Variants in LRP1B observed in about 807,000 individuals in gnomAD.
LRP1B encodes low-density lipoprotein receptor-related protein 1B.
A neutral mutation model predicts 556.6 loss-of-function variants in LRP1B; 217 were observed. That is an observed-to-expected ratio of 0.39 (90% CI 0.35 to 0.44). The LOEUF (loss-of-function observed/expected upper bound fraction) is 0.44. Ranked by LOEUF, LRP1B falls within the 20% of genes least tolerant of loss-of-function variation. The probability of loss-of-function intolerance (pLI) is 1.00; values close to 1 mark genes in which losing one functional copy is unlikely to be tolerated. For synonymous variants in LRP1B, 2,047 were observed against 1,865.8 expected (o/e 1.10, Z -2.50); for missense variants, 5,053 against 5,620.8 (o/e 0.90, Z 3.23).
chr2:141,527,364 C>A (rs1684724918), intron 2 of LRP1B, among the ~76,000 whole-genome samples: 1 of 151,672 alleles, frequency 6.6e-6, no homozygotes, highest in Non-Finnish European at 1.5e-5. Flanking sequence ...ATAAAAAAAA[C>A]ATTGTTTCTG....
intron 1 of LRP1B, among the ~76,000 whole-genome samples, chr2:142,117,144 T>C (rs1342765135): frequency 1.3e-5 from 2 of 152,272 alleles, no homozygotes; most frequent in African/African-American, 4.8e-5. Flanking sequence ...AATCTCCGCT[T>C]AGCATTTCTT....
intron 7 of LRP1B, among the ~76,000 whole-genome samples, chr2:141,086,635 TG>T (rs1700053993): frequency 1.3e-5 from 2 of 151,530 alleles, no homozygotes; most frequent in African/African-American, 2.4e-5. Flanking sequence ...TGTGTGTGTG[TG>T]TGTGTGTGTG....
In LRP1B at chr2:140,719,728, CAT is replaced by C. The variant is rs1365595010; in HGVS notation, c.5759-2914_5759-2913del. Among the ~76,000 whole-genome samples the C allele has an allele frequency of 6.6e-5, 10 of 152,130 alleles. No individual in the cohort carries two copies. In the East Asian group the frequency reaches 1.9e-3, roughly 29 times the overall value. ...TGAGATCACAGCATTGAGGAACTAA[CAT>C]ATTTTCTCGTATCCTTTCTATTAGG... is the stretch of plus-strand genomic sequence containing the variant. On this transcript the variant is annotated intron_variant, in intron 35 of 90. Transcript: ENST00000389484.
chr2:141,834,525 G>A (rs757161628), intron 1 of LRP1B, among the ~76,000 whole-genome samples: 1 of 151,844 alleles, frequency 6.6e-6, no homozygotes, highest in Non-Finnish European at 1.5e-5. Context: ...CATTAAATAA[G>A]GTAGGTAGGG....
chr2:141,712,653 T>A (rs1048925488), intron 2 of LRP1B, among the ~76,000 whole-genome samples: 8 of 151,994 alleles, frequency 5.3e-5, no homozygotes, highest in African/African-American at 1.9e-4. Flanking sequence ...ACATTAACTA[T>A]TATTATTATC....
intron 7 of LRP1B, among the ~76,000 whole-genome samples, chr2:141,173,025 T>A (rs60558592): frequency 0.044 from 6,616 of 150,816 alleles, 481 homozygotes; most frequent in African/African-American, 0.15. Context: ...AAATTACAGA[T>A]TTCTCTTTAA....
intron 41 of LRP1B, among the ~76,000 whole-genome samples, chr2:140,636,608 A>G (rs534288234): frequency 5.1e-4 from 78 of 152,290 alleles, no homozygotes; most frequent in Non-Finnish European, 9.6e-4. Context: ...TTGTACTTAC[A>G]TATTTTAAAA....
At chr2:140,531,048 T>C (rs543778592) in intron 47 of LRP1B, among the ~76,000 whole-genome samples, 3 of 152,174 alleles carry the variant, frequency 2.0e-5, no homozygotes, top group South Asian at 2.1e-4. Flanking sequence ...ACACCTACCA[T>C]ACATGAGGTA....
chr2:140,597,027 A>G (rs185541533), intron 43 of LRP1B, among the ~76,000 whole-genome samples: 31 of 152,316 alleles, frequency 2.0e-4, no homozygotes, highest in African/African-American at 7.2e-4. Context: ...TAACTTTTGC[A>G]AAATAAAGAA....
chr2:142,049,865 G>A (rs1025637662), intron 1 of LRP1B, among the ~76,000 whole-genome samples: 2 of 152,132 alleles, frequency 1.3e-5, no homozygotes, highest in African/African-American at 4.8e-5. Flanking sequence ...TGAAAATACA[G>A]AGATAGAGGA....
intron 1 of LRP1B, among the ~76,000 whole-genome samples, chr2:141,854,523 G>C (rs941195460): frequency 6.6e-6 from 1 of 152,040 alleles, no homozygotes; most frequent in Non-Finnish European, 1.5e-5. Context: ...ACATCATAAA[G>C]TTTTGATGCT....
intron 2 of LRP1B, among the ~76,000 whole-genome samples, chr2:141,801,825 A>G (rs925583287): frequency 2.0e-5 from 3 of 152,174 alleles, no homozygotes; most frequent in Non-Finnish European, 4.4e-5. Flanking sequence ...TATATCTTCA[A>G]GAAAAATTTA....
chr2:142,130,275 G>T (rs1305037961), intron 1 of LRP1B, among the ~76,000 whole-genome samples: 1 of 152,228 alleles, frequency 6.6e-6, no homozygotes, highest in African/African-American at 2.4e-5. Flanking sequence ...CCTGGAGCTC[G>T]CAAAAGCTCG....
intron 3 of LRP1B, among the ~76,000 whole-genome samples, chr2:141,282,315 C>A (rs933562190): frequency 6.6e-6 from 1 of 151,888 alleles, no homozygotes; most frequent in Non-Finnish European, 1.5e-5. Flanking sequence ...TTTGTAGAGA[C>A]AATCTGGACA....
chr2:141,597,413 C>T (rs1381045485), intron 2 of LRP1B, among the ~76,000 whole-genome samples: 1 of 152,028 alleles, frequency 6.6e-6, no homozygotes, highest in Non-Finnish European at 1.5e-5. Context: ...CCTTCAGTGG[C>T]CTTCCCAGTT....
intron 2 of LRP1B, among the ~76,000 whole-genome samples, chr2:141,670,329 C>A (rs576471878): frequency 6.6e-6 from 1 of 152,148 alleles, no homozygotes; most frequent in East Asian, 1.9e-4. Flanking sequence ...AATAAATGAG[C>A]AAATGATGCT....
At chr2:140,394,122 ATAT>A (rs1483044640) in intron 66 of LRP1B, among the ~76,000 whole-genome samples, 4 of 127,754 alleles carry the variant, frequency 3.1e-5, no homozygotes, top group African/African-American at 1.2e-4. Context: ...TTACTGGCAC[ATAT>A]TTTTTTTTTT....
chr2:140,743,013 A>AT (rs903519415), intron 35 of LRP1B, among the ~76,000 whole-genome samples: 130 of 151,736 alleles, frequency 8.6e-4, no homozygotes, highest in African/African-American at 2.6e-3. Context: ...TAAGACAAAG[A>AT]TTTTTTTTTA....
chr2:142,114,449 CAA>C (rs1707112207), intron 1 of LRP1B, among the ~76,000 whole-genome samples: 1 of 152,074 alleles, frequency 6.6e-6, no homozygotes, highest in Non-Finnish European at 1.5e-5. Context: ...ATCAGCATAT[CAA>C]AGAGATATCT....
Sources: allele counts gnomAD v4.1 joint callset (sites outside exome capture counted in the v4.1 genomes callset), GRCh38; gene constraint gnomAD v4.1.1; transcripts MANE v1.5; gene names NCBI Gene and HGNC (gene_info 2026-07-23, HGNC 2026-07-21).